TBL1X: variants seen among roughly 807,000 people sequenced by gnomAD.
The protein encoded by TBL1X is F-box-like/WD repeat-containing protein TBL1X.
A neutral mutation model predicts 50.7 loss-of-function variants in TBL1X; 10 were observed. The observed-to-expected ratio is 0.20, with a 90% CI of 0.12 to 0.33. The LOEUF is 0.33. TBL1X is among the 10% of genes least tolerant of loss of function. The pLI is 1.00. For missense variants in TBL1X, 340 were observed against 504.4 expected, an observed-to-expected ratio of 0.67 and a Z score of 3.12; for synonymous variants, 190 against 214.7, an observed-to-expected ratio of 0.88 and a Z score of 1.01.
intron 2 of TBL1X, among the ~76,000 whole-genome samples, chrX:9,618,124 A>G (rs113046001): frequency 0.028 from 3,090 of 111,852 alleles, 94 homozygotes; most frequent in African/African-American, 0.092. Context: ...GTAAATGCAT[A>G]CAAATATAAG....
rs775779061 is a variant in TBL1X at position 9,654,830 on chromosome X, G to A, written c.211+508G>A. 6.3e-3 allele frequency among the ~76,000 whole-genome samples: 706 copies of A among 111,388 alleles called. 3 individuals carry two copies. The highest frequency in any genetic ancestry group is 0.011 in the Non-Finnish European group (571 of 53,115). On this transcript the variant is annotated intron_variant, in intron 5 of 17. Transcript: ENST00000645353. ...TTAGTAAGTAAACAGCCAATCACATGTGTTCGTTGTTGACAAGACAGACTT... is the reference window on the plus strand; with the variant it reads ...TTAGTAAGTAAACAGCCAATCACATATGTTCGTTGTTGACAAGACAGACTT...
intron 2 of TBL1X, among the ~76,000 whole-genome samples, chrX:9,515,158 C>G: frequency 8.9e-6 from 1 of 111,835 alleles, no homozygotes; most frequent in Non-Finnish European, 1.9e-5. Flanking sequence ...AACCTGAAAT[C>G]CTTTGCCTTG....
At chrX:9,502,377 G>A (rs1353562464) in intron 2 of TBL1X, among the ~76,000 whole-genome samples, 2 of 112,039 alleles carry the variant, frequency 1.8e-5, no homozygotes, top group African/African-American at 3.2e-5. Context: ...TGTCCATCAC[G>A]GGGCCACCCA....
At chrX:9,546,870 G>C (rs2082246104) in intron 2 of TBL1X, among the ~76,000 whole-genome samples, 1 of 87,767 alleles carries the variant, frequency 1.1e-5, no homozygotes. Flanking sequence ...CCAGGCTGGA[G>C]TGCAGTGGCG....
intron 2 of TBL1X, among the ~76,000 whole-genome samples, chrX:9,574,540 A>G (rs923503721): frequency 9.1e-6 from 1 of 109,294 alleles, no homozygotes; most frequent in African/African-American, 3.3e-5. Context: ...ACCTTCCCGA[A>G]CCTTTGCTGG....
At chrX:9,500,354 GGAGGCC>G (rs2081994748) in intron 1 of TBL1X, among the ~76,000 whole-genome samples, 1 of 109,004 alleles carries the variant, frequency 9.2e-6, no homozygotes, top group Non-Finnish European at 1.9e-5. Context: ...CAGCACTTTG[GGAGGCC>G]GAGGCAGGCA....
chrX:9,507,447 C>T (rs1048113584), intron 2 of TBL1X, among the ~76,000 whole-genome samples: 1 of 111,711 alleles, frequency 9.0e-6, no homozygotes, highest in African/African-American at 3.3e-5. Flanking sequence ...AGAGAGGACA[C>T]AAACAAATGG....
chrX:9,509,788 G>C (rs1168825277), intron 2 of TBL1X, among the ~76,000 whole-genome samples: 2 of 110,773 alleles, frequency 1.8e-5, no homozygotes, highest in Non-Finnish European at 3.8e-5. Flanking sequence ...GCCTGGTCTA[G>C]AATTGCTTTT....
intron 1 of TBL1X, among the ~76,000 whole-genome samples, chrX:9,475,692 T>G: frequency 9.0e-6 from 1 of 111,507 alleles, no homozygotes; most frequent in Non-Finnish European, 1.9e-5. Flanking sequence ...TAAGGTCTTC[T>G]GGCTGAGCTC....
intron 2 of TBL1X, among the ~76,000 whole-genome samples, chrX:9,559,991 G>A (rs2082317472): frequency 9.0e-6 from 1 of 111,430 alleles, no homozygotes; most frequent in South Asian, 3.7e-4. Flanking sequence ...TTGATGAGCC[G>A]GGAGCTAGGC....
chrX:9,575,136 T>TA (rs1210444206), intron 2 of TBL1X, among the ~76,000 whole-genome samples: 2 of 111,371 alleles, frequency 1.8e-5, no homozygotes, highest in Non-Finnish European at 3.8e-5. Flanking sequence ...AGACACATCT[T>TA]ACCACAGCAA....
At chrX:9,517,684 C>T (rs1220868879) in intron 2 of TBL1X, among the ~76,000 whole-genome samples, 2 of 112,036 alleles carry the variant, frequency 1.8e-5, no homozygotes, top group African/African-American at 6.5e-5. Flanking sequence ...CTCCAAATGC[C>T]GGAAGGGTTT....
chrX:9,610,234 A>G (rs1388480338), intron 2 of TBL1X, among the ~76,000 whole-genome samples: 2 of 112,681 alleles, frequency 1.8e-5, no homozygotes, highest in African/African-American at 6.4e-5. Flanking sequence ...GGGGTGTTAC[A>G]AGAGCATGCG....
At chrX:9,651,304 C>T (rs2082834316) in intron 3 of TBL1X, among the ~76,000 whole-genome samples, 1 of 112,177 alleles carries the variant, frequency 8.9e-6, no homozygotes, top group South Asian at 3.6e-4. Context: ...CTCGGCCTCC[C>T]AAATTGCTGG....
chrX:9,569,152 CTG>C (rs756982006), intron 2 of TBL1X, among the ~76,000 whole-genome samples: 29 of 97,755 alleles, frequency 3.0e-4, no homozygotes, highest in African/African-American at 1.1e-3. Flanking sequence ...CTGCAGTGTG[CTG>C]TGTGTGTGGT....
At chrX:9,547,093 C>T (rs772277855) in intron 2 of TBL1X, among the ~76,000 whole-genome samples, 2 of 110,068 alleles carry the variant, frequency 1.8e-5, no homozygotes, top group Admixed American at 9.6e-5. Context: ...GCTGGGATTA[C>T]AGGCGTGGGC....
chrX:9,483,995 G>T (rs1244004930), intron 1 of TBL1X, among the ~76,000 whole-genome samples: 3 of 111,948 alleles, frequency 2.7e-5, no homozygotes, highest in Non-Finnish European at 5.6e-5. Context: ...TGTATGAAGT[G>T]TGCAGTTTTA....
chrX:9,627,668 T>C (rs748080930), intron 2 of TBL1X, among the ~76,000 whole-genome samples: 1 of 112,413 alleles, frequency 8.9e-6, no homozygotes, highest in Non-Finnish European at 1.9e-5. Context: ...GTTGCCCAAT[T>C]CCTGTTTATT....
chrX:9,486,610 C>T (rs139252473), intron 1 of TBL1X, among the ~76,000 whole-genome samples: 1,477 of 107,716 alleles, frequency 0.014, 7 homozygotes, highest in Middle Eastern at 0.033. Flanking sequence ...ACGCCCCCGC[C>T]GCCTCAAGTC....
Sources: allele counts gnomAD v4.1 joint callset (sites outside exome capture counted in the v4.1 genomes callset), GRCh38; gene constraint gnomAD v4.1.1; transcripts MANE v1.5; gene names NCBI Gene and HGNC (gene_info 2026-07-23, HGNC 2026-07-21).